FAF1: variants seen among roughly 807,000 people sequenced by gnomAD.
FAF1 encodes Fas associated factor 1, also known as FAS-associated factor 1.
FAF1 carries 25 observed loss-of-function variants against 92.5 expected under a neutral mutation model. That is an observed-to-expected ratio of 0.27 (90% confidence interval 0.20 to 0.38). The LOEUF (loss-of-function observed/expected upper bound fraction) is 0.38. FAF1 is among the 10% of genes least tolerant of loss of function. The pLI is 1.00. For missense variants in FAF1, 636 were observed against 793.3 expected (o/e 0.80, Z 2.38); for synonymous variants, 234 against 273.2 (o/e 0.86, Z 1.42).
chr1:50,873,933 A>G (rs888774478), intron 1 of FAF1, among the ~76,000 whole-genome samples: 1 of 152,184 alleles, frequency 6.6e-6, no homozygotes, highest in African/African-American at 2.4e-5. Flanking sequence ...CTTATATCTC[A>G]TCTCCAGGCA....
intron 15 of FAF1, among the ~76,000 whole-genome samples, chr1:50,512,399 C>T (rs578252065): frequency 6.6e-6 from 1 of 152,280 alleles, no homozygotes; most frequent in East Asian, 1.9e-4. Context: ...TTTAATCCAC[C>T]TTGAGTTAAT....
intron 2 of FAF1, among the ~76,000 whole-genome samples, chr1:50,826,724 T>C (rs1467865159): frequency 1.3e-5 from 2 of 152,170 alleles, no homozygotes; most frequent in African/African-American, 4.8e-5. Flanking sequence ...ATGAACTTTA[T>C]GCCAATAAAT....
chr1:50,801,643 C>T lies in FAF1; in HGVS notation c.149G>A (p.Gly50Asp). ...CTTTATAACATACCTTTGTAGAATGCCATTTTCCTGTGGTATTACACCATT... is the reference window on the plus strand; with the variant it reads ...CTTTATAACATACCTTTGTAGAATGTCATTTTCCTGTGGTATTACACCATT... ...AINGVIPQEN[G>D]ILQSEYGGET... Residue 50 changes from glycine (G) to aspartate (D), a missense_variant, in exon 3 of 19, where the codon GGC becomes GAC. Coordinates refer to ENST00000396153, the MANE Select transcript of FAF1 (RefSeq NM_007051.3). 6.3e-7 allele frequency: 1 copy of T among 1,586,442 alleles called. No individual in the cohort carries two copies. Among genetic ancestry groups the T allele is most frequent in the Non-Finnish European group, 8.7e-7 (1 of 1,155,280 alleles).
chr1:50,834,021 T>C (rs1442193211), intron 2 of FAF1, among the ~76,000 whole-genome samples: 2 of 152,238 alleles, frequency 1.3e-5, no homozygotes, highest in Non-Finnish European at 2.9e-5. Context: ...TAATCCACAA[T>C]GTTAGAGGAA....
intron 17 of FAF1, among the ~76,000 whole-genome samples, chr1:50,479,790 A>G (rs779111539): frequency 2.6e-5 from 4 of 152,248 alleles, no homozygotes; most frequent in Non-Finnish European, 5.9e-5. Context: ...TTCCCCAGAA[A>G]GAAAACAGAC....
chr1:50,870,479 A>C (rs746030242), intron 1 of FAF1, among the ~76,000 whole-genome samples: 49 of 152,376 alleles, frequency 3.2e-4, no homozygotes, highest in Non-Finnish European at 6.8e-4. Flanking sequence ...GAAAGAAAAA[A>C]TTAGAGGTTT....
intron 1 of FAF1, among the ~76,000 whole-genome samples, chr1:50,955,853 G>A (rs974738620): frequency 6.6e-6 from 1 of 152,132 alleles, no homozygotes; most frequent in African/African-American, 2.4e-5. Context: ...TGACTCTTGG[G>A]CACATTATGC....
At chr1:50,452,403 G>A (rs1238588213) in intron 18 of FAF1, among the ~76,000 whole-genome samples, 2 of 152,296 alleles carry the variant, frequency 1.3e-5, no homozygotes, top group East Asian at 1.9e-4. Context: ...AACTCTTGGG[G>A]CAGCCAGGAA....
At position 50,663,056 on chromosome 1, in the gene FAF1, A is replaced by C. The variant is rs181762776; in HGVS notation, c.658-7528T>G. On this transcript the variant is annotated intron_variant, in intron 7 of 18. Transcript: ENST00000396153. Reference sequence around the variant, plus strand: ...TTTTACGATAAAAGACAATTCCTAAAGTGCTAAGAAAATGTTTATAGATGA... The same window carrying C: ...TTTTACGATAAAAGACAATTCCTAACGTGCTAAGAAAATGTTTATAGATGA... Among the ~76,000 whole-genome samples the C allele has an allele frequency of 1.6e-3, 245 of 151,950 alleles. 2 individuals are homozygous for C. Among genetic ancestry groups the C allele is most frequent in the South Asian group, 8.1e-3 (39 of 4,828 alleles).
At chr1:50,747,962 A>C (rs893092830) in intron 4 of FAF1, among the ~76,000 whole-genome samples, 1 of 152,184 alleles carries the variant, frequency 6.6e-6, no homozygotes. Context: ...AAGCCTCCCC[A>C]GAAGTAGATG....
At chr1:50,685,097 C>A (rs907297759) in intron 7 of FAF1, among the ~76,000 whole-genome samples, 47 of 152,062 alleles carry the variant, frequency 3.1e-4, no homozygotes, top group Non-Finnish European at 4.4e-5. Flanking sequence ...ACATACGGAT[C>A]TTTGAATGGC....
At chr1:50,744,815 A>G (rs757444798) in intron 4 of FAF1, 40 bp from the exon 5 acceptor site, 1 of 1,194,114 alleles carries the variant, frequency 8.4e-7, no homozygotes, top group East Asian at 2.3e-5. Context: ...CTAACAAAAT[A>G]ACACAGTTAA....
intron 1 of FAF1, among the ~76,000 whole-genome samples, chr1:50,885,293 C>CTT: frequency 7.8e-6 from 1 of 128,812 alleles, no homozygotes; most frequent in South Asian, 2.3e-4. Context: ...CTCCGTGTCT[C>CTT]TTTCTCTCTC....
chr1:50,884,129 T>C (rs1644637258), intron 1 of FAF1, among the ~76,000 whole-genome samples: 1 of 151,700 alleles, frequency 6.6e-6, no homozygotes, highest in Non-Finnish European at 1.5e-5. Context: ...TACTTAACAA[T>C]GAAGTATAAT....
chr1:50,905,519 T>G (rs1156378233), intron 1 of FAF1, among the ~76,000 whole-genome samples: 1 of 152,250 alleles, frequency 6.6e-6, no homozygotes, highest in African/African-American at 2.4e-5. Context: ...AAAGTATTCC[T>G]ATTTCTCCAC....
chr1:50,901,861 T>A (rs1644799793), intron 1 of FAF1, among the ~76,000 whole-genome samples: 1 of 152,038 alleles, frequency 6.6e-6, no homozygotes. Flanking sequence ...TGAGACCCTG[T>A]CTCAAAAACA....
intron 1 of FAF1, among the ~76,000 whole-genome samples, chr1:50,930,496 A>G (rs1645039047): frequency 6.6e-6 from 1 of 152,226 alleles, no homozygotes; most frequent in Non-Finnish European, 1.5e-5. Flanking sequence ...TCTCACTCAT[A>G]CAATGGTAAT....
chr1:50,508,168 T>G (rs1296280449), intron 15 of FAF1, among the ~76,000 whole-genome samples: 1 of 152,212 alleles, frequency 6.6e-6, no homozygotes, highest in Non-Finnish European at 1.5e-5. Context: ...TCTAGAAGGT[T>G]CCTTTTTGGT....
At chr1:50,458,966 CTTTTTT>C (rs112741026) in intron 18 of FAF1, among the ~76,000 whole-genome samples, 4 of 147,064 alleles carry the variant, frequency 2.7e-5, no homozygotes, top group East Asian at 3.9e-4. Flanking sequence ...CTGCCCTGCC[CTTTTTT>C]TTTTCTTTTT....
Sources: allele counts gnomAD v4.1 joint callset (sites outside exome capture counted in the v4.1 genomes callset), GRCh38; gene constraint gnomAD v4.1.1; transcripts MANE v1.5; gene names NCBI Gene and HGNC (gene_info 2026-07-23, HGNC 2026-07-21).